Variants in TCEA1 observed in about 807,000 individuals in gnomAD.
TCEA1 encodes transcription elongation factor A1.
Under a neutral mutation model 43.8 loss-of-function variants are expected in TCEA1, and 21 were observed. The ratio of observed to expected loss-of-function variants is 0.48; its 90% CI spans 0.34 to 0.69. The LOEUF is 0.69. Ranked by LOEUF, TCEA1 falls within the 30% of genes least tolerant of loss-of-function variation. The pLI is 0.01. For missense variants in TCEA1, 250 were observed against 365.1 expected, an observed-to-expected ratio of 0.68 and a Z score of 2.57; for synonymous variants, 104 against 117.5, an observed-to-expected ratio of 0.88 and a Z score of 0.75.
intron 2 of TCEA1, among the ~76,000 whole-genome samples, chr8:54,003,813 G>A (rs2129310063): frequency 6.6e-6 from 1 of 151,890 alleles, no homozygotes; most frequent in Middle Eastern, 3.4e-3. Context: ...TAAAACTTTT[G>A]TGCTTCAATG....
In TCEA1 at chr8:53,979,326, A is replaced by G. The variant is rs558684112; in HGVS notation, c.679-155T>C. Among the ~76,000 whole-genome samples, 17 of 152,366 alleles carry G rather than the reference A, an allele frequency of 1.1e-4. No individual in the cohort carries two copies. The East Asian group carries it at 2.7e-3, about 24-fold the overall frequency. On this transcript the variant is annotated intron_variant, in intron 7 of 9. Transcript: ENST00000521604. ...TAATATTTTTCCTCAAAGGCTTTGT[A>G]AGAGTTTAATTCCTTTTAAAAATTT...
intron 2 of TCEA1, among the ~76,000 whole-genome samples, chr8:54,006,056 T>A (rs546516990): frequency 1.3e-5 from 2 of 152,218 alleles, no homozygotes; most frequent in African/African-American, 4.8e-5. Flanking sequence ...AACCTAGTCA[T>A]CTTCTGAGAT....
intron 4 of TCEA1, among the ~76,000 whole-genome samples, chr8:53,990,727 C>A (rs1322119264): frequency 1.3e-5 from 2 of 152,180 alleles, no homozygotes; most frequent in East Asian, 1.9e-4. Context: ...GCCAAATGCT[C>A]CACAGGAACC....
intron 7 of TCEA1, among the ~76,000 whole-genome samples, chr8:53,983,413 T>C (rs894438222): frequency 6.6e-6 from 1 of 152,258 alleles, no homozygotes; most frequent in Admixed American, 6.5e-5. Flanking sequence ...AGATACAATA[T>C]AGCTAATATC....
At chr8:54,005,567 T>G (rs1007847118) in intron 2 of TCEA1, among the ~76,000 whole-genome samples, 1 of 152,214 alleles carries the variant, frequency 6.6e-6, no homozygotes, top group African/African-American at 2.4e-5. Flanking sequence ...CTTATATTGC[T>G]AAATGGCACC....
At chr8:53,969,689 A>G (rs1803100529) in intron 9 of TCEA1, among the ~76,000 whole-genome samples, 1 of 152,212 alleles carries the variant, frequency 6.6e-6, no homozygotes. Flanking sequence ...AAAGGAGTTC[A>G]AAATCAGTTT....
At chr8:54,012,718 G>GT (rs1804690193) in intron 1 of TCEA1, among the ~76,000 whole-genome samples, 1 of 151,954 alleles carries the variant, frequency 6.6e-6, no homozygotes, top group African/African-American at 2.4e-5. Context: ...GACCCTAAGG[G>GT]TTTTGATTAA....
At chr8:53,995,309 A>G (rs570916162) in intron 3 of TCEA1, among the ~76,000 whole-genome samples, 88 of 151,172 alleles carry the variant, frequency 5.8e-4, no homozygotes, top group African/African-American at 1.9e-3. Flanking sequence ...AAAAAAAAAA[A>G]AAAAAAGAAA....
At chr8:53,993,127 A>ATTTTT (rs11306062) in intron 4 of TCEA1, among the ~76,000 whole-genome samples, 1 of 84,188 alleles carries the variant, frequency 1.2e-5, no homozygotes. Context: ...TACATGGCTA[A>ATTTTT]TTTTTTTTTT....
At chr8:53,984,877 A>G (rs903198662) in intron 6 of TCEA1, among the ~76,000 whole-genome samples, 3 of 151,860 alleles carry the variant, frequency 2.0e-5, no homozygotes, top group African/African-American at 7.3e-5. Context: ...GGGACACTCC[A>G]TCTTAAAAAA....
At chr8:54,002,055 G>A (rs1804284646) in intron 2 of TCEA1, among the ~76,000 whole-genome samples, 1 of 151,834 alleles carries the variant, frequency 6.6e-6, no homozygotes, top group Non-Finnish European at 1.5e-5. Flanking sequence ...TGTAGTCCCA[G>A]CTACTCGGGA....
intron 3 of TCEA1, among the ~76,000 whole-genome samples, chr8:53,997,678 C>A (rs932605256): frequency 6.6e-6 from 1 of 152,170 alleles, no homozygotes; most frequent in Non-Finnish European, 1.5e-5. Context: ...CAGGTTGGAT[C>A]GCTTGAGCCC....
At chr8:53,970,917 T>C (rs532828412) in intron 8 of TCEA1, among the ~76,000 whole-genome samples, 28 of 152,272 alleles carry the variant, frequency 1.8e-4, no homozygotes, top group African/African-American at 6.0e-4. Flanking sequence ...TCCAACAACC[T>C]TTCTAAAAGT....
In TCEA1 at chr8:53,966,883, T is replaced by C. The variant is rs1377497445; in HGVS notation, c.*1221A>G. ...CAGAATGCAGATTCAGCATAAAATG[T>C]AGACTTTGCAACAGTGGCCTTTAAA... On this transcript the variant is annotated 3_prime_UTR_variant, in exon 10 of 10. Coordinates refer to ENST00000521604, the MANE Select transcript of TCEA1 (RefSeq NM_006756.4). The C allele has an allele frequency of 2.9e-5, 6 of 204,410 alleles. No individual in the cohort carries two copies. In the South Asian group the frequency reaches 7.6e-4, roughly 26 times the overall value. The allele number at this position is 204,410 out of a possible 1,614,324, so 12.7% of individuals were successfully genotyped here.
chr8:54,001,252 GA>G (rs1379516594), intron 2 of TCEA1, among the ~76,000 whole-genome samples: 1 of 151,762 alleles, frequency 6.6e-6, no homozygotes. Context: ...GTCTATGGAA[GA>G]AAAAAATAAC....
At chr8:53,989,055 G>A (rs939167627) in intron 4 of TCEA1, among the ~76,000 whole-genome samples, 7 of 151,102 alleles carry the variant, frequency 4.6e-5, no homozygotes, top group Non-Finnish European at 1.5e-5. Context: ...GTGACACAGC[G>A]AGACTCCACC....
At chr8:53,984,175 T>C (rs1206621234) in intron 7 of TCEA1, among the ~76,000 whole-genome samples, 188 bp downstream of exon 7, 3 of 152,126 alleles carry the variant, frequency 2.0e-5, no homozygotes, top group African/African-American at 7.2e-5. Flanking sequence ...ATGGAAACAG[T>C]TGGAGGGGGA....
intron 9 of TCEA1, 171 bp downstream of exon 9, chr8:53,970,221 G>A (rs1803114510): frequency 3.0e-6 from 2 of 665,836 alleles, no homozygotes; most frequent in Non-Finnish European, 5.4e-6. Context: ...TTTATTTCTA[G>A]TAGGGTAACA....
chr8:53,984,989 C>T (rs985357709), intron 6 of TCEA1, among the ~76,000 whole-genome samples: 2 of 151,972 alleles, frequency 1.3e-5, no homozygotes, highest in Non-Finnish European at 2.9e-5. Context: ...CTGTAATTGG[C>T]GAATAATAGT....
Sources: gnomAD v4.1 joint callset for allele counts (sites outside exome capture counted in the v4.1 genomes callset) on GRCh38, gnomAD v4.1.1 for gene constraint, MANE v1.5 for transcripts, NCBI Gene and HGNC (gene_info 2026-07-23, HGNC 2026-07-21) for gene names.